RICTOR: variants seen among roughly 807,000 people sequenced by gnomAD.
The protein encoded by RICTOR is rapamycin-insensitive companion of mTOR.
A neutral mutation model predicts 214.9 loss-of-function variants in RICTOR; 49 were observed. The observed-to-expected ratio is 0.23, with a 90% confidence interval of 0.18 to 0.29. RICTOR has a LOEUF of 0.29. Among genes scored for constraint, RICTOR ranks in the 10% least tolerant of loss-of-function variants. The probability of loss-of-function intolerance (pLI) is 1.00; values close to 1 mark genes in which losing one functional copy is unlikely to be tolerated. For synonymous variants in RICTOR, 717 were observed against 711.3 expected, an observed-to-expected ratio of 1.01 and a Z score of -0.13; for missense variants, 1,625 against 2,047.0, an observed-to-expected ratio of 0.79 and a Z score of 3.98.
At position 38,940,864 on chromosome 5, in the gene RICTOR, A is replaced by G. The variant is rs1456999394; in HGVS notation, c.*1440T>C. On this transcript the variant is annotated 3_prime_UTR_variant, in exon 38 of 38. Coordinates refer to ENST00000357387, the MANE Select transcript of RICTOR (RefSeq NM_152756.5). The stretch of plus-strand genomic sequence containing the variant: ...CAAGCCCATTACAAAAAGGATCTGC[A>G]TCATGGGAAAATATTAATGTTGCTA... The G allele has an allele frequency of 4.3e-6, 1 of 232,206 alleles. No homozygotes were observed. 14.4% of individuals were successfully genotyped at this position (232,206 alleles called of 1,614,324 possible).
chr5:38,979,478 C>A (rs986831608), intron 8 of RICTOR, among the ~76,000 whole-genome samples: 1 of 152,168 alleles, frequency 6.6e-6, no homozygotes, highest in African/African-American at 2.4e-5. Flanking sequence ...TTCCTTCCTG[C>A]ATTTCTTTGT....
At position 38,940,098 on chromosome 5, in the gene RICTOR, A is replaced by G. The variant is rs895666645; in HGVS notation, c.*2206T>C. 3.2e-5 allele frequency: 7 copies of G among 221,312 alleles called. No homozygotes were observed. The highest frequency in any genetic ancestry group is 6.3e-5 in the Non-Finnish European group (7 of 111,718). The allele number at this position is 221,312 out of a possible 1,614,324, so 13.7% of individuals were successfully genotyped here. A position where few individuals can be genotyped will look rare whatever the true frequency, so the allele number is the denominator to read the frequency against. ...AGTAAGTGATATAGGCAGATATGAT[A>G]AGGTATACATACATATTTTTCAAAG... On this transcript the variant is annotated 3_prime_UTR_variant, in exon 38 of 38. Coordinates refer to ENST00000357387, the MANE Select transcript of RICTOR (RefSeq NM_152756.5).
chr5:38,981,781 T>C (rs1751733238), intron 8 of RICTOR, 86 bp downstream of exon 8: 3 of 865,072 alleles, frequency 3.5e-6, no homozygotes, highest in African/African-American at 3.4e-5. Flanking sequence ...AATGTGGTGC[T>C]GCATCTATAA....
chr5:39,015,679 A>G (rs1157914616), intron 3 of RICTOR, among the ~76,000 whole-genome samples: 1 of 152,082 alleles, frequency 6.6e-6, no homozygotes, highest in Non-Finnish European at 1.5e-5. Context: ...ATTTACAGTA[A>G]TAGTTTACCA....
chr5:38,972,023 GTATAA>G lies in RICTOR; in HGVS notation c.890-69_890-65del, dbSNP rs1283302487. 2.3e-5 allele frequency: 16 copies of G among 702,878 alleles called. No individual in the cohort carries two copies. In the African/African-American group the frequency reaches 2.3e-4, roughly 10 times the overall value. 43.5% of individuals were successfully genotyped at this position (702,878 alleles called of 1,614,324 possible). A position where few individuals can be genotyped will look rare whatever the true frequency, so the allele number is the denominator to read the frequency against. On this transcript the variant is annotated intron_variant, in intron 10 of 37. Coordinates refer to ENST00000357387, the MANE Select transcript of RICTOR (RefSeq NM_152756.5). ...ATTTCAAAAAAATTTCTATGGCAAT[GTATAA>G]TATAAAACTTGTCATATTTTTCTAG... is the stretch of plus-strand genomic sequence containing the variant.
In RICTOR at chr5:38,959,931, C is replaced by A; in HGVS notation, c.1899G>T (p.Trp633Cys). The A allele has an allele frequency of 6.2e-7, 1 of 1,613,050 alleles. No homozygotes were observed. Reference sequence around the variant, plus strand: ...GTTTCATTCCAGATGAAGCATTGAGCCACTGAACAATATCCTTTACTAGAT... The same window carrying A: ...GTTTCATTCCAGATGAAGCATTGAGACACTGAACAATATCCTTTACTAGAT... ...LEDLVKDIVQ[W>C]LNASSGMKPE... is the part of the protein sequence containing the mutation. Residue 633 changes from tryptophan (W) to cysteine (C), a missense_variant, in exon 21 of 38, where the codon TGG (tryptophan) becomes TGT (cysteine). Coordinates refer to ENST00000357387, the MANE Select transcript of RICTOR (RefSeq NM_152756.5).
intron 2 of RICTOR, among the ~76,000 whole-genome samples, chr5:39,064,577 G>T (rs1333352264): frequency 6.6e-6 from 1 of 152,156 alleles, no homozygotes; most frequent in Non-Finnish European, 1.5e-5. Flanking sequence ...CAGATACACA[G>T]GCAAGCAAAT....
At chr5:38,970,878 G>A (rs555479367) in intron 11 of RICTOR, 3 of 152,176 alleles carry the variant, frequency 2.0e-5, no homozygotes, top group East Asian at 1.9e-4. Context: ...AAGTTAGAAG[G>A]CATAAATACA....
chr5:38,998,599 A>C (rs1580055281), intron 5 of RICTOR, among the ~76,000 whole-genome samples: 1 of 152,268 alleles, frequency 6.6e-6, no homozygotes, highest in East Asian at 1.9e-4. Flanking sequence ...CACTACAAAT[A>C]GAACACAGGT....
chr5:38,958,844 A>T lies in RICTOR; in HGVS notation c.2179-13T>A. 6.7e-7 allele frequency: 1 copy of T among 1,497,296 alleles called. No individual in the cohort carries two copies. The highest frequency in any genetic ancestry group is 8.9e-7 in the Non-Finnish European group (1 of 1,121,234). The allele number at this position is 1,497,296 out of a possible 1,614,324, so 92.8% of individuals were successfully genotyped here. A position where few individuals can be genotyped will look rare whatever the true frequency, so the allele number is the denominator to read the frequency against. ...AGAGTCTGCAGGCCTATAAGGATAA[A>T]TGAATACATTAAAAAAAAAAAAAAC... On this transcript the variant is annotated splice_polypyrimidine_tract_variant and intron_variant, in intron 22 of 37. Transcript: ENST00000357387.
In RICTOR at chr5:39,074,157, C is replaced by T; in HGVS notation, c.51G>A (p.Gly17=). The T allele has an allele frequency of 6.3e-7, 1 of 1,589,108 alleles. No homozygotes were observed. Among genetic ancestry groups the T allele is most frequent in the Non-Finnish European group, 8.6e-7 (1 of 1,169,454 alleles). The change falls in exon 2 of 38, where the codon GGG becomes GGA. Residue 17 remains glycine, a splice_region_variant and synonymous_variant. Coordinates refer to ENST00000357387, the MANE Select transcript of RICTOR (RefSeq NM_152756.5). The part of the protein sequence containing the change: ...GRSLKNLRVR[G]RNDSGEENVP... ...CGTTCTCCTCGCCGCTGTCATTCCG[C>T]CCTGCGCGAAACAGACACACAGCCC...
At position 38,958,649 on chromosome 5, in the gene RICTOR, T is replaced by TA. The variant is rs768799524; in HGVS notation, c.2343+17dup. The TA allele has an allele frequency of 2.5e-6, 4 of 1,569,982 alleles. No individual in the cohort carries two copies. Among genetic ancestry groups the TA allele is most frequent in the South Asian group, 2.4e-5 (2 of 83,608 alleles). On this transcript the variant is annotated intron_variant, in intron 23 of 37. Coordinates refer to ENST00000357387, the MANE Select transcript of RICTOR (RefSeq NM_152756.5). The stretch of plus-strand genomic sequence containing the variant: ...TCAAAAAAATTTAAGTATTAAATTA[T>TA]AAAAAATGAACCTTTACCTTGTCTT...
intron 2 of RICTOR, among the ~76,000 whole-genome samples, chr5:39,025,610 A>G (rs1755755332): frequency 6.6e-6 from 1 of 152,206 alleles, no homozygotes; most frequent in African/African-American, 2.4e-5. Flanking sequence ...CAAGTCCAAG[A>G]TCAGGGTGAC....
chr5:38,972,935 G>C (rs1579961102), intron 10 of RICTOR, among the ~76,000 whole-genome samples: 1 of 144,098 alleles, frequency 6.9e-6, no homozygotes, highest in African/African-American at 2.6e-5. Context: ...TAAAAAAGAA[G>C]AACATATTAC....
intron 36 of RICTOR, chr5:38,944,143 CTG>C (rs1579856381): frequency 1.3e-5 from 6 of 457,540 alleles, no homozygotes; most frequent in East Asian, 1.2e-4. Context: ...ATAAAAATAA[CTG>C]TATTTTCCAA....
At chr5:39,056,318 G>T (rs772761904) in intron 2 of RICTOR, among the ~76,000 whole-genome samples, 1 of 152,094 alleles carries the variant, frequency 6.6e-6, no homozygotes, top group Non-Finnish European at 1.5e-5. Context: ...CGTAATATCA[G>T]TAGTGACAAG....
rs1356690691 is a variant in RICTOR, at chr5:38,944,803, A to C, written c.4789+110T>G. The C allele has an allele frequency of 2.7e-6, 3 of 1,108,790 alleles. No homozygotes were observed. In the African/African-American group the frequency reaches 4.7e-5, roughly 17 times the overall value. 68.7% of individuals were successfully genotyped at this position (1,108,790 alleles called of 1,614,324 possible). A position where few individuals can be genotyped will look rare whatever the true frequency, so the allele number is the denominator to read the frequency against. On this transcript the variant is annotated intron_variant, in intron 35 of 37. Transcript: ENST00000357387. ...TAAATTGCTTCACTAAAATGGACGT[A>C]TTACTGTTTTGAGACAACTTTAATT...
intron 6 of RICTOR, among the ~76,000 whole-genome samples, chr5:38,994,399 T>C (rs1473323603): frequency 8.6e-6 from 1 of 116,136 alleles, no homozygotes; most frequent in Non-Finnish European, 1.7e-5. Flanking sequence ...CAACCTGTAG[T>C]ACAGCTGCCA....
intron 16 of RICTOR, among the ~76,000 whole-genome samples, chr5:38,964,027 A>G (rs1750012164): frequency 6.6e-6 from 1 of 151,902 alleles, no homozygotes; most frequent in Non-Finnish European, 1.5e-5. Context: ...AATGTACTAT[A>G]ACTCTTAACA....
Sources: allele counts gnomAD v4.1 joint callset (sites outside exome capture counted in the v4.1 genomes callset), GRCh38; gene constraint gnomAD v4.1.1; transcripts MANE v1.5; gene names NCBI Gene and HGNC (gene_info 2026-07-23, HGNC 2026-07-21).